The following AKAP6 variants were observed in gnomAD, a reference collection of about 807,000 sequenced individuals.
The protein encoded by AKAP6 is A-kinase anchoring protein 6.
Under a neutral mutation model 188.5 loss-of-function variants are expected in AKAP6, and 58 were observed. The observed-to-expected ratio is 0.31, with a 90% CI of 0.25 to 0.38. The LOEUF is 0.38. Among genes scored for constraint, AKAP6 ranks in the 10% least tolerant of loss-of-function variants. The pLI is 1.00. For synonymous variants in AKAP6, 989 were observed against 998.6 expected (o/e 0.99, Z 0.18); for missense variants, 2,710 against 2,740.0 (o/e 0.99, Z 0.24).
chr14:32,486,607 ACT>A (rs539177412), intron 2 of AKAP6, among the ~76,000 whole-genome samples: 129 of 151,706 alleles, frequency 8.5e-4, no homozygotes, highest in African/African-American at 3.1e-3. Context: ...TCATGATTTG[ACT>A]CTCTGTTTGT....
intron 1 of AKAP6, among the ~76,000 whole-genome samples, chr14:32,406,917 G>A (rs1889314987): frequency 6.6e-6 from 1 of 152,126 alleles, no homozygotes; most frequent in Admixed American, 6.5e-5. Flanking sequence ...ATAACAAAAT[G>A]GAAGAAAGAT....
At chr14:32,589,414 T>C (rs1386003663) in intron 5 of AKAP6, among the ~76,000 whole-genome samples, 1 of 152,108 alleles carries the variant, frequency 6.6e-6, no homozygotes, top group Non-Finnish European at 1.5e-5. Flanking sequence ...GATGGAAGGG[T>C]CTTTCAGAAA....
At chr14:32,666,554 A>T (rs1405560702) in intron 7 of AKAP6, among the ~76,000 whole-genome samples, 1 of 152,072 alleles carries the variant, frequency 6.6e-6, no homozygotes, top group African/African-American at 2.4e-5. Flanking sequence ...AGCAATCTAA[A>T]TACTTTATTT....
At chr14:32,517,114 G>A (rs1436782947) in intron 2 of AKAP6, among the ~76,000 whole-genome samples, 1 of 152,136 alleles carries the variant, frequency 6.6e-6, no homozygotes, top group Non-Finnish European at 1.5e-5. Context: ...CGACCAGTTG[G>A]TTACCTTCTG....
intron 12 of AKAP6, among the ~76,000 whole-genome samples, chr14:32,780,155 A>AAAATATATATATATATATATATATAT (rs1555361856): frequency 4.4e-5 from 4 of 91,510 alleles, no homozygotes; most frequent in African/African-American, 1.6e-4. Flanking sequence ...TGAAAAAAAA[A>AAAATATATATATATATATATATATAT]ACATATATAT....
intron 12 of AKAP6, among the ~76,000 whole-genome samples, chr14:32,819,977 T>C (rs1260507522): frequency 6.6e-6 from 1 of 152,084 alleles, no homozygotes; most frequent in Non-Finnish European, 1.5e-5. Context: ...TATATATGTA[T>C]GGCCACCTAA....
At chr14:32,796,511 G>C (rs1414017993) in intron 12 of AKAP6, among the ~76,000 whole-genome samples, 5 of 152,152 alleles carry the variant, frequency 3.3e-5, no homozygotes, top group African/African-American at 4.8e-5. Flanking sequence ...GGACAAACCT[G>C]ACAAAAAGCA....
intron 5 of AKAP6, among the ~76,000 whole-genome samples, chr14:32,587,785 G>T (rs1236028134): frequency 6.6e-6 from 1 of 152,206 alleles, no homozygotes; most frequent in African/African-American, 2.4e-5. Context: ...AGATTTGAGT[G>T]TAGTAAAGGA....
intron 7 of AKAP6, among the ~76,000 whole-genome samples, chr14:32,616,094 A>G (rs1007717934): frequency 1.3e-5 from 2 of 152,194 alleles, no homozygotes; most frequent in Non-Finnish European, 2.9e-5. Context: ...TTAAAAAGAC[A>G]AAAAATAACA....
intron 2 of AKAP6, among the ~76,000 whole-genome samples, chr14:32,466,742 A>AG (rs1020819801): frequency 1.3e-5 from 2 of 149,202 alleles, no homozygotes; most frequent in African/African-American, 5.0e-5. Context: ...TAAAGTTCAA[A>AG]AAAAAAAAAA....
Position 32,600,786 on chromosome 14 carries a change from C to A in AKAP6, c.2724C>A (p.Ser908Arg). The A allele has an allele frequency of 6.2e-7, 1 of 1,604,540 alleles. No individual in the cohort carries two copies. The highest frequency in any genetic ancestry group is 1.3e-5 in the African/African-American group (1 of 74,694). Residue 908 changes from serine to arginine, a missense_variant, in exon 7 of 14, where the codon AGC (serine) becomes AGA (arginine). Transcript: ENST00000280979. ...VSVEDEEGTG[S>R]PKAEVQLCYL... ...TGGAGGATGAGGAAGGGACTGGAAG[C>A]CCCAAGGTAAGTGGCTTGAAGTTTG...
chr14:32,510,477 CAT>C (rs1285195480), intron 2 of AKAP6, among the ~76,000 whole-genome samples: 2,695 of 71,690 alleles, frequency 0.038, 79 homozygotes, highest in African/African-American at 0.049. Context: ...TATATATATA[CAT>C]ATATATATGT....
intron 5 of AKAP6, among the ~76,000 whole-genome samples, chr14:32,587,886 G>A (rs984003162): frequency 6.6e-6 from 1 of 152,118 alleles, no homozygotes; most frequent in African/African-American, 2.4e-5. Context: ...CAGGTAACGT[G>A]ATATTATAAG....
At chr14:32,811,898 T>C (rs1267187250) in intron 12 of AKAP6, among the ~76,000 whole-genome samples, 1 of 152,232 alleles carries the variant, frequency 6.6e-6, no homozygotes, top group Non-Finnish European at 1.5e-5. Context: ...CTTATGTCTA[T>C]CTCACAGGAA....
At chr14:32,509,887 A>G (rs1227866139) in intron 2 of AKAP6, among the ~76,000 whole-genome samples, 1 of 152,116 alleles carries the variant, frequency 6.6e-6, no homozygotes, top group Non-Finnish European at 1.5e-5. Context: ...CGTTTGCCGT[A>G]TGTTACTTGA....
intron 1 of AKAP6, among the ~76,000 whole-genome samples, chr14:32,356,568 T>C (rs1887491903): frequency 1.3e-5 from 2 of 152,182 alleles, no homozygotes; most frequent in South Asian, 4.1e-4. Context: ...AATCTGAGTG[T>C]ATCATTTCCT....
chr14:32,751,779 G>T (rs956763763), intron 11 of AKAP6, among the ~76,000 whole-genome samples: 3 of 151,928 alleles, frequency 2.0e-5, no homozygotes, highest in Non-Finnish European at 2.9e-5. Flanking sequence ...GTAATTCATT[G>T]TTTTCATTGC....
chr14:32,465,303 A>G (rs1878343161), intron 2 of AKAP6, among the ~76,000 whole-genome samples: 1 of 152,240 alleles, frequency 6.6e-6, no homozygotes. Context: ...CAAAAAGAAC[A>G]AAGCTGTAGG....
intron 11 of AKAP6, among the ~76,000 whole-genome samples, chr14:32,745,842 G>A (rs1162465407): frequency 6.6e-6 from 1 of 152,154 alleles, no homozygotes; most frequent in Non-Finnish European, 1.5e-5. Flanking sequence ...AAGTCTACCA[G>A]GTGTTCTGTT....
Sources: gnomAD v4.1 joint callset for allele counts (sites outside exome capture counted in the v4.1 genomes callset) on GRCh38, gnomAD v4.1.1 for gene constraint, MANE v1.5 for transcripts, NCBI Gene and HGNC (gene_info 2026-07-23, HGNC 2026-07-21) for gene names.